Variants in NUP50 observed in about 807,000 individuals in gnomAD.
The protein encoded by NUP50 is nuclear pore complex protein Nup50.
In NUP50, 14 loss-of-function variants were observed where a neutral mutation model predicts 36.8. That is an observed-to-expected ratio of 0.38 (90% CI 0.25 to 0.59). NUP50 has a LOEUF of 0.59. Ranked by LOEUF, NUP50 falls within the 20% of genes least tolerant of loss-of-function variation. The pLI is 0.63. For missense variants in NUP50, 455 were observed against 564.6 expected, an observed-to-expected ratio of 0.81 and a Z score of 1.97; for synonymous variants, 195 against 210.8, an observed-to-expected ratio of 0.93 and a Z score of 0.65.
At chr22:45,168,671 C>T (rs2074133729) in intron 2 of NUP50, among the ~76,000 whole-genome samples, 1 of 152,152 alleles carries the variant, frequency 6.6e-6, no homozygotes, top group Non-Finnish European at 1.5e-5. Context: ...CCATCTTGGT[C>T]TGTGGTACTC....
At chr22:45,170,779 T>G (rs986288576) in intron 2 of NUP50, among the ~76,000 whole-genome samples, 1 of 152,210 alleles carries the variant, frequency 6.6e-6, no homozygotes, top group African/African-American at 2.4e-5. Context: ...GCTTAGACAT[T>G]AAAATATTCA....
rs1268231439 is a variant in NUP50, at chr22:45,178,447, A to G, written c.550A>G (p.Thr184Ala). 6.2e-7 allele frequency: 1 copy of G among 1,613,654 alleles called. No individual in the cohort carries two copies. The highest frequency in any genetic ancestry group is 8.5e-7 in the Non-Finnish European group (1 of 1,179,824). ...HVNTNPLCDL[T>A]PIFKDYEKYL... The stretch of plus-strand genomic sequence containing the variant: ...GAATACAAACCCCCTCTGTGATCTG[A>G]CACCTATCTTTAAAGACTATGAGAA... The change falls in exon 5 of 8, where the codon ACA becomes GCA. Residue 184 changes from threonine to alanine, a missense_variant. Around this residue, in one of 3 missense-constraint regions of NUP50, gnomAD observed 287 missense variants for 345.5 expected, o/e 0.83. Transcript: ENST00000347635.
Position 45,175,909 on chromosome 22 carries a change from G to A in NUP50, c.169G>A (p.Ala57Thr), listed in dbSNP as rs569172014. The A allele has an allele frequency of 1.2e-6, 2 of 1,614,130 alleles. No homozygotes were observed. Among genetic ancestry groups the A allele is most frequent in the Non-Finnish European group, 1.7e-6 (2 of 1,180,000 alleles). The change falls in exon 4 of 8, where the codon GCC becomes ACC. Residue 57 changes from alanine (A) to threonine (T), a missense_variant. This residue lies in a region of NUP50 where 166 missense variants were observed against 202.8 expected (regional missense o/e 0.82). Coordinates refer to ENST00000347635, the MANE Select transcript of NUP50 (RefSeq NM_007172.4). ...CATACTTCAGTCTGACACTGGAGGA[G>A]CCTTTAAAGGTTTTAAAGGTTTGGT... The part of the protein sequence containing the change: ...NVGFESDTGG[A>T]FKGFKGLVVP...
intron 1 of NUP50, chr22:45,166,283 C>CTTTTTTTTTTTTTT (rs71190641): frequency 1.6e-5 from 2 of 121,946 alleles, no homozygotes; most frequent in African/African-American, 3.4e-5. Context: ...TTTTCTTTTT[C>CTTTTTTTTTTTTTT]TTTTTTTTTT....
chr22:45,183,568 TA>T (rs1224555740), intron 7 of NUP50, 48 bp downstream of exon 7: 4 of 1,172,374 alleles, frequency 3.4e-6, no homozygotes, highest in Non-Finnish European at 5.1e-6. Flanking sequence ...ACATAGTATA[TA>T]AAAGCGTTTA....
At position 45,163,927 on chromosome 22, in the gene NUP50, C is replaced by G. The variant is rs544983108; in HGVS notation, c.-380C>G. 1 of 152,252 alleles carries G rather than the reference C, an allele frequency of 6.6e-6. No individual in the cohort carries two copies. The highest frequency in any genetic ancestry group is 1.5e-5 in the Non-Finnish European group (1 of 68,060). The allele number at this position is 152,252 out of a possible 1,614,324, so 9.4% of individuals were successfully genotyped here. On this transcript the variant is annotated 5_prime_UTR_variant, in exon 1 of 8. Coordinates refer to ENST00000347635, the MANE Select transcript of NUP50 (RefSeq NM_007172.4). ...AAGGAGGTGCTACTGCCGGAAGCGC[C>G]GGCGCGCTTGCGCAGTAGCTGAACG...
chr22:45,178,827 T>A lies in NUP50; in HGVS notation c.930T>A (p.Ser310Arg). ...TATTTGGCAAAGATACTACCCAGAG[T>A]AAACCAGTCTCTTCACCATTTCCCA... is the stretch of plus-strand genomic sequence containing the variant. The part of the protein sequence containing the change: ...SSLFGKDTTQ[S>R]KPVSSPFPTK... Residue 310 changes from serine to arginine, a missense_variant, in exon 5 of 8, where the codon AGT becomes AGA. Coordinates refer to ENST00000347635, the MANE Select transcript of NUP50 (RefSeq NM_007172.4). 1.2e-6 allele frequency: 2 copies of A among 1,613,948 alleles called. No homozygotes were observed. The highest frequency in any genetic ancestry group is 1.7e-6 in the Non-Finnish European group (2 of 1,179,960).
At chr22:45,179,906 A>G (rs559179854) in intron 5 of NUP50, among the ~76,000 whole-genome samples, 3 of 152,222 alleles carry the variant, frequency 2.0e-5, no homozygotes, top group Non-Finnish European at 4.4e-5. Flanking sequence ...TACTTCTCAG[A>G]CATATGGACA....
intron 2 of NUP50, 105 bp from the exon 3 acceptor site, chr22:45,171,495 G>C: frequency 1.8e-6 from 2 of 1,099,730 alleles, no homozygotes; most frequent in Non-Finnish European, 2.7e-6. Context: ...ATTTATTTTT[G>C]AGAGGCCGGA....
At chr22:45,174,123 G>A (rs1049487731) in intron 3 of NUP50, among the ~76,000 whole-genome samples, 1 of 151,698 alleles carries the variant, frequency 6.6e-6, no homozygotes, top group Admixed American at 6.6e-5. Flanking sequence ...ACCAATGAGG[G>A]AAATTGAGGG....
At chr22:45,171,069 G>A in intron 2 of NUP50, 1 of 1,302,132 alleles carries the variant, frequency 7.7e-7, no homozygotes, top group Non-Finnish European at 1.0e-6. Flanking sequence ...ACATGAGTGT[G>A]CTTTGAGCGC....
chr22:45,178,202 G>T (rs934998861), intron 4 of NUP50, 36 bp from the exon 5 acceptor site: 8 of 1,569,496 alleles, frequency 5.1e-6, no homozygotes, highest in Non-Finnish European at 6.9e-6. Context: ...AATCAAATTA[G>T]GCTAAATAAA....
At position 45,187,096 on chromosome 22, in the gene NUP50, A is replaced by G. The variant is rs540411521; in HGVS notation, c.*2441A>G. The G allele has an allele frequency of 6.6e-6, 1 of 152,012 alleles. No homozygotes were observed. The highest frequency in any genetic ancestry group is 2.4e-5 in the African/African-American group (1 of 41,450). 9.4% of individuals were successfully genotyped at this position (152,012 alleles called of 1,614,324 possible). On this transcript the variant is annotated 3_prime_UTR_variant, in exon 8 of 8. Coordinates refer to ENST00000347635, the MANE Select transcript of NUP50 (RefSeq NM_007172.4). ...ATGAAGTGTATCATATACGTGGCCT[A>G]AAGCAAGGTGTGTATTTTGTTATTC... is the stretch of plus-strand genomic sequence containing the variant.
intron 2 of NUP50, among the ~76,000 whole-genome samples, chr22:45,170,378 A>G (rs2074170610): frequency 6.6e-6 from 1 of 152,134 alleles, no homozygotes; most frequent in Non-Finnish European, 1.5e-5. Flanking sequence ...CTACAGTCGT[A>G]CCTTATCAGC....
chr22:45,171,529 T>G, intron 2 of NUP50, 71 bp from the exon 3 acceptor site: 11 of 1,330,712 alleles, frequency 8.3e-6, no homozygotes, highest in South Asian at 1.2e-5. Flanking sequence ...TTCTAGCTTG[T>G]TGTTGTTGTT....
At chr22:45,180,199 C>G (rs1263161994) in intron 5 of NUP50, 2 of 152,200 alleles carry the variant, frequency 1.3e-5, no homozygotes, top group African/African-American at 4.8e-5. Flanking sequence ...GCGCCTGTTC[C>G]TTGTCCCTTG....
At chr22:45,178,110 A>G in intron 4 of NUP50, 128 bp from the exon 5 acceptor site, 1 of 836,552 alleles carries the variant, frequency 1.2e-6, no homozygotes, top group Non-Finnish European at 1.9e-6. Flanking sequence ...TGGGTGACAG[A>G]GCAAGACTGT....
chr22:45,168,898 ATTT>A (rs34675932), intron 2 of NUP50, among the ~76,000 whole-genome samples: 72 of 131,992 alleles, frequency 5.5e-4, no homozygotes, highest in South Asian at 2.4e-3. Context: ...TATAAAAAAA[ATTT>A]TTTTTTTTTT....
At chr22:45,170,398 C>A (rs751925321) in intron 2 of NUP50, among the ~76,000 whole-genome samples, 1 of 152,162 alleles carries the variant, frequency 6.6e-6, no homozygotes, top group Non-Finnish European at 1.5e-5. Context: ...CAGTGTGTTA[C>A]CCCCAGGCCA....
Sources: allele counts gnomAD v4.1 joint callset (sites outside exome capture counted in the v4.1 genomes callset), GRCh38; gene constraint gnomAD v4.1.1; regional missense constraint gnomAD v4.1.1; transcripts MANE v1.5; gene names NCBI Gene and HGNC (gene_info 2026-07-23, HGNC 2026-07-21).